Variants in AGBL4 observed in about 807,000 individuals in gnomAD.
AGBL4 encodes the protein cytosolic carboxypeptidase 6.
In AGBL4, 58 loss-of-function variants were observed where a neutral mutation model predicts 66.4. That is an observed-to-expected ratio of 0.87 (90% CI 0.71 to 1.09). The LOEUF is 1.09. AGBL4 is among the 50% of genes least tolerant of loss of function. The pLI is 0.00. For missense variants in AGBL4, 579 were observed against 631.0 expected, an observed-to-expected ratio of 0.92 and a Z score of 0.88; for synonymous variants, 234 against 222.9, an observed-to-expected ratio of 1.05 and a Z score of -0.44.
At chr1:49,394,496 C>A (rs1032078241) in intron 3 of AGBL4, among the ~76,000 whole-genome samples, 5 of 151,994 alleles carry the variant, frequency 3.3e-5, no homozygotes, top group Admixed American at 3.3e-4. Flanking sequence ...ACTGCTCCCA[C>A]CCCACATCAC....
At chr1:49,812,954 A>G (rs959611581) in intron 2 of AGBL4, among the ~76,000 whole-genome samples, 1 of 152,190 alleles carries the variant, frequency 6.6e-6, no homozygotes, top group African/African-American at 2.4e-5. Flanking sequence ...GATGAAAGAT[A>G]TGGGAAAGAA....
chr1:49,116,059 A>C (rs1025709358), intron 4 of AGBL4, among the ~76,000 whole-genome samples: 9 of 152,168 alleles, frequency 5.9e-5, no homozygotes, highest in African/African-American at 2.2e-4. Flanking sequence ...TTAACCTTTT[A>C]TTTGTATGTC....
intron 3 of AGBL4, among the ~76,000 whole-genome samples, chr1:49,410,164 C>G (rs1300196410): frequency 6.6e-6 from 1 of 152,158 alleles, no homozygotes; most frequent in Non-Finnish European, 1.5e-5. Context: ...GGCACAGATG[C>G]ACCTGTGTCC....
chr1:49,833,411 T>A (rs1401706744), intron 2 of AGBL4, among the ~76,000 whole-genome samples: 2 of 152,310 alleles, frequency 1.3e-5, no homozygotes, highest in Admixed American at 1.3e-4. Flanking sequence ...GTAGTATAGT[T>A]TGAAGTCAGG....
intron 1 of AGBL4, among the ~76,000 whole-genome samples, chr1:49,871,578 C>G (rs925076048): frequency 1.3e-5 from 2 of 152,060 alleles, no homozygotes; most frequent in African/African-American, 4.8e-5. Context: ...GACATTAAGT[C>G]ACCTGAAGTC....
At position 48,830,104 on chromosome 1, in the gene AGBL4, G is replaced by T. The variant is rs138780807; in HGVS notation, c.634+37087C>A. Among the ~76,000 whole-genome samples, 74 of 152,268 alleles carry T rather than the reference G, an allele frequency of 4.9e-4. 1 individual carries two copies. In the South Asian group the frequency reaches 9.7e-3, roughly 20 times the overall value. The stretch of plus-strand genomic sequence containing the variant: ...CAGAATCACAATGCAGGGAGTGCCT[G>T]GGAATGAAGTTGGGAGATCTGGATT... On this transcript the variant is annotated intron_variant, in intron 6 of 13. Transcript: ENST00000371839.
At chr1:49,135,594 C>T (rs1645995100) in intron 4 of AGBL4, among the ~76,000 whole-genome samples, 1 of 152,108 alleles carries the variant, frequency 6.6e-6, no homozygotes, top group African/African-American at 2.4e-5. Flanking sequence ...AAAAGTATCA[C>T]TTAATGGGAA....
intron 6 of AGBL4, among the ~76,000 whole-genome samples, chr1:48,717,668 T>A (rs760219814): frequency 1.4e-4 from 22 of 152,188 alleles, no homozygotes; most frequent in African/African-American, 5.1e-4. Flanking sequence ...ATCCAACCAG[T>A]GGAAGAGAAA....
chr1:49,579,275 G>GA, intron 3 of AGBL4, among the ~76,000 whole-genome samples: 1 of 152,112 alleles, frequency 6.6e-6, no homozygotes, highest in Admixed American at 6.6e-5. Flanking sequence ...TTCCTCTAGA[G>GA]AACCCTAATA....
chr1:49,634,256 C>T (rs1363692924), intron 3 of AGBL4, among the ~76,000 whole-genome samples: 6 of 152,038 alleles, frequency 3.9e-5, no homozygotes, highest in South Asian at 2.1e-4. Flanking sequence ...ATGTTCCCCT[C>T]CCTGTGTCCA....
chr1:49,663,465 G>C (rs1422669299), intron 3 of AGBL4, among the ~76,000 whole-genome samples: 1 of 152,106 alleles, frequency 6.6e-6, no homozygotes, highest in Non-Finnish European at 1.5e-5. Context: ...TGCAATATGA[G>C]ACTATGAAGT....
chr1:49,713,199 C>T (rs1443378924), intron 2 of AGBL4, among the ~76,000 whole-genome samples: 2 of 151,934 alleles, frequency 1.3e-5, no homozygotes, highest in Non-Finnish European at 2.9e-5. Context: ...TTCTTTTATT[C>T]ATTCCTAACA....
In AGBL4 at chr1:49,076,435, G is replaced by A. The variant is rs141321067; in HGVS notation, c.378-30635C>T. On this transcript the variant is annotated intron_variant, in intron 4 of 13. Transcript: ENST00000371839. ...ATGGATGCAGAACCAGAGACAGGGA[G>A]GCCCAATTGTATACATTCACTATTG... Among the ~76,000 whole-genome samples the A allele has an allele frequency of 7.4e-4, 113 of 152,250 alleles. 1 individual carries two copies. The highest frequency in any genetic ancestry group is 2.6e-3 in the African/African-American group (108 of 41,552).
intron 1 of AGBL4, among the ~76,000 whole-genome samples, chr1:49,893,348 A>T (rs1468431149): frequency 2.0e-5 from 3 of 152,264 alleles, no homozygotes; most frequent in Non-Finnish European, 2.9e-5. Flanking sequence ...TACACAAAAA[A>T]ACTACCTTCA....
chr1:49,979,756 A>T (rs1177795090), intron 1 of AGBL4, among the ~76,000 whole-genome samples: 1 of 152,194 alleles, frequency 6.6e-6, no homozygotes, highest in Non-Finnish European at 1.5e-5. Flanking sequence ...GTTTAGTGCA[A>T]TACCATAAAC....
chr1:48,626,204 G>A (rs1195523853), intron 9 of AGBL4, among the ~76,000 whole-genome samples: 1 of 152,128 alleles, frequency 6.6e-6, no homozygotes, highest in African/African-American at 2.4e-5. Context: ...ATCCCTCATG[G>A]CACCTCCAGC....
At chr1:48,853,895 C>A (rs1464645319) in intron 6 of AGBL4, among the ~76,000 whole-genome samples, 1 of 152,080 alleles carries the variant, frequency 6.6e-6, no homozygotes, top group Non-Finnish European at 1.5e-5. Flanking sequence ...GACCTCCATC[C>A]CTGAACCAAT....
At chr1:49,640,961 G>A (rs1645769331) in intron 3 of AGBL4, among the ~76,000 whole-genome samples, 1 of 152,056 alleles carries the variant, frequency 6.6e-6, no homozygotes, top group Non-Finnish European at 1.5e-5. Context: ...CTTGCGATGG[G>A]ACTCAATAAA....
chr1:49,311,627 A>AC (rs1238975960), intron 3 of AGBL4, among the ~76,000 whole-genome samples: 1 of 152,068 alleles, frequency 6.6e-6, no homozygotes, highest in African/African-American at 2.4e-5. Context: ...GAGGCACTCC[A>AC]TGTTCCTGGA....
Sources: gnomAD v4.1 joint callset for allele counts (sites outside exome capture counted in the v4.1 genomes callset) on GRCh38, gnomAD v4.1.1 for gene constraint, MANE v1.5 for transcripts, NCBI Gene and HGNC (gene_info 2026-07-23, HGNC 2026-07-21) for gene names.